The following ZNF75A variants were observed in gnomAD, a reference collection of about 807,000 sequenced individuals.
ZNF75A encodes zinc finger protein 75A.
Under a neutral mutation model 46.3 loss-of-function variants are expected in ZNF75A, and 36 were observed. That is an observed-to-expected ratio of 0.78 (90% confidence interval 0.60 to 1.03). The LOEUF is 1.03. Among genes scored for constraint, ZNF75A ranks in the 50% least tolerant of loss-of-function variants. ZNF75A has a pLI of 0.00. For missense variants in ZNF75A, 595 were observed against 551.3 expected (o/e 1.08, Z -0.79); for synonymous variants, 234 against 189.9 (o/e 1.23, Z -1.91).
chr16:3,322,980 G>A (rs1425248071), downstream of ZNF75A: 22 of 974,206 alleles, frequency 2.3e-5, no homozygotes, highest in Non-Finnish European at 2.7e-5. Context: ...AGAAAATGCT[G>A]GAATTTTTCC....
chr16:3,313,633 C>T (rs188295976), intron 5 of ZNF75A, among the ~76,000 whole-genome samples: 1 of 152,180 alleles, frequency 6.6e-6, no homozygotes, highest in Non-Finnish European at 1.5e-5. Flanking sequence ...TCATCTTGAA[C>T]CAGGCATACA....
In ZNF75A at chr16:3,318,241, G is replaced by A. The variant is rs1232803193; in HGVS notation, c.*372G>A. On this transcript the variant is annotated 3_prime_UTR_variant, in exon 7 of 7. Transcript: ENST00000669516. ...TCATGAGGCCGAAATGAATTACAATGTAAAGTGTTCCAGGAACCAAATTGG... is the reference window on the plus strand; with the variant it reads ...TCATGAGGCCGAAATGAATTACAATATAAAGTGTTCCAGGAACCAAATTGG... 2.9e-5 allele frequency: 29 copies of A among 998,418 alleles called. No individual in the cohort carries two copies. The South Asian group carries it at 9.2e-4, about 32-fold the overall frequency. 61.8% of individuals were successfully genotyped at this position (998,418 alleles called of 1,614,324 possible).
At chr16:3,313,446 C>T (rs1960961215) in intron 5 of ZNF75A, among the ~76,000 whole-genome samples, 1 of 152,218 alleles carries the variant, frequency 6.6e-6, no homozygotes, top group South Asian at 2.1e-4. Context: ...CAGTAAGGGG[C>T]ACATTCATTA....
At chr16:3,305,734 T>C (rs1960148479) in intron 1 of ZNF75A, 91 bp downstream of exon 1, 1 of 152,194 alleles carries the variant, frequency 6.6e-6, no homozygotes, top group East Asian at 1.9e-4. Flanking sequence ...CCGTAGGCGG[T>C]GGCCGCGGCG....
At chr16:3,311,687 G>A (rs969581939) in intron 2 of ZNF75A, 66 bp from the exon 3 acceptor site, 158 of 905,052 alleles carry the variant, frequency 1.7e-4, no homozygotes, top group Middle Eastern at 5.6e-4. Context: ...TACACCTGTC[G>A]CTCTGCCTCC....
In ZNF75A at chr16:3,318,370, T is replaced by C. The variant is rs1961384144; in HGVS notation, c.*501T>C. ...TCTCTTGGATCCTGTTATCACAGTT[T>C]TTTACTGTGATGAAATCTTGTTAAC... On this transcript the variant is annotated 3_prime_UTR_variant, in exon 7 of 7. Transcript: ENST00000669516. The C allele has an allele frequency of 7.1e-6, 7 of 987,482 alleles. No individual in the cohort carries two copies. The highest frequency in any genetic ancestry group is 7.2e-6 in the Non-Finnish European group (6 of 831,396). The allele number at this position is 987,482 out of a possible 1,614,324, so 61.2% of individuals were successfully genotyped here. A position where few individuals can be genotyped will look rare whatever the true frequency, so the allele number is the denominator to read the frequency against.
In ZNF75A at chr16:3,317,183, C is replaced by G. The variant is rs530456525; in HGVS notation, c.935-7C>G. ...ATACAGATGTGTGATTATGTTTATTCCAACAGGGTTAAAGCTCAAAAACGA... is the reference window on the plus strand; with the variant it reads ...ATACAGATGTGTGATTATGTTTATTGCAACAGGGTTAAAGCTCAAAAACGA... On this transcript the variant is annotated splice_region_variant and splice_polypyrimidine_tract_variant and intron_variant, in intron 6 of 6. Coordinates refer to ENST00000669516, the MANE Select transcript of ZNF75A (RefSeq NM_001302109.2). 6.2e-7 allele frequency: 1 copy of G among 1,600,048 alleles called. No individual in the cohort carries two copies. Among genetic ancestry groups the G allele is most frequent in the East Asian group, 2.2e-5 (1 of 44,740 alleles).
rs1960722581 is a variant in ZNF75A, at chr16:3,310,893, C to G, written c.409-860C>G. ...GGCGACACATCTGCTGACCTCGGGT[C>G]TGCTGGGAAGAATACAGGGCAGGAC... is the stretch of plus-strand genomic sequence containing the variant. On this transcript the variant is annotated intron_variant, in intron 2 of 6. Coordinates refer to ENST00000669516, the MANE Select transcript of ZNF75A (RefSeq NM_001302109.2). 5 of 985,254 alleles carry G rather than the reference C, an allele frequency of 5.1e-6. No homozygotes were observed. The South Asian group carries it at 2.3e-4, about 46-fold the overall frequency. The allele number at this position is 985,254 out of a possible 1,614,324, so 61.0% of individuals were successfully genotyped here. A position where few individuals can be genotyped will look rare whatever the true frequency, so the allele number is the denominator to read the frequency against.
Position 3,312,685 on chromosome 16 carries a change from A to G in ZNF75A, c.613A>G (p.Thr205Ala). The G allele has an allele frequency of 4.9e-6, 5 of 1,011,824 alleles. No individual in the cohort carries two copies. Among genetic ancestry groups the G allele is most frequent in the Non-Finnish European group, 5.9e-6 (5 of 845,332 alleles). The allele number at this position is 1,011,824 out of a possible 1,614,324, so 62.7% of individuals were successfully genotyped here. The change falls in exon 4 of 7, where the codon ACT (threonine) becomes GCT (alanine). Residue 205 changes from threonine (T) to alanine (A), a missense_variant. By Grantham distance (58) the Thr-to-Ala change is moderately conservative (BLOSUM62 0). Coordinates refer to ENST00000669516, the MANE Select transcript of ZNF75A (RefSeq NM_001302109.2). ...TEPVYERAVP[T>A]QQILAFPEQT... ...CTCTTTTCCCCCCACAGCTGTGCCTACTCAACAGATTCTAGCTTTTCCTGA... is the reference window on the plus strand; with the variant it reads ...CTCTTTTCCCCCCACAGCTGTGCCTGCTCAACAGATTCTAGCTTTTCCTGA...
At chr16:3,317,144 T>A (rs1198226640) in intron 6 of ZNF75A, 46 bp from the exon 7 acceptor site, 1 of 1,558,810 alleles carries the variant, frequency 6.4e-7, no homozygotes, top group African/African-American at 1.4e-5. Flanking sequence ...TTCCTGTGAT[T>A]TGCTTGTTCT....
intron 1 of ZNF75A, chr16:3,306,982 C>T (rs1596385731): frequency 6.7e-6 from 1 of 148,442 alleles, no homozygotes. Flanking sequence ...GATGGAATCT[C>T]GTTTTGCTGC....
intron 1 of ZNF75A, chr16:3,307,406 C>T (rs549818677): frequency 3.3e-5 from 5 of 152,312 alleles, no homozygotes; most frequent in South Asian, 2.1e-4. Flanking sequence ...TGTACTGGAA[C>T]TTACCCCCCT....
At chr16:3,322,984 T>A, downstream of ZNF75A, 1 of 970,052 alleles carries the variant, frequency 1.0e-6, no homozygotes, top group South Asian at 4.8e-5. Flanking sequence ...AATGCTGGAA[T>A]TTTTCCTTGG....
intron 5 of ZNF75A, chr16:3,314,679 A>G: frequency 2.0e-6 from 2 of 985,316 alleles, no homozygotes; most frequent in Non-Finnish European, 2.4e-6. Flanking sequence ...CCTACCATGC[A>G]GTTCATACGC....
chr16:3,312,480 CATTT>C (rs1960883475), intron 3 of ZNF75A, 193 bp from the exon 4 acceptor site: 1 of 152,536 alleles, frequency 6.6e-6, no homozygotes, highest in Non-Finnish European at 1.5e-5. Context: ...ACTGAGGAAA[CATTT>C]AGTTGGGGAA....
chr16:3,310,782 T>C, intron 2 of ZNF75A: 1 of 985,438 alleles, frequency 1.0e-6, no homozygotes, highest in Non-Finnish European at 1.2e-6. Flanking sequence ...CTCCCTATAG[T>C]AGATGAAAGT....
chr16:3,307,763 C>G (rs1960402473), intron 1 of ZNF75A: 1 of 150,968 alleles, frequency 6.6e-6, no homozygotes, highest in Admixed American at 6.6e-5. Flanking sequence ...ACTCCTGGCT[C>G]AAGTGATCCT....
rs1960838978 is a variant in ZNF75A, at chr16:3,311,961, A to G, written c.604+13A>G. 1 of 984,892 alleles carries G rather than the reference A, an allele frequency of 1.0e-6. No homozygotes were observed. Among genetic ancestry groups the G allele is most frequent in the Non-Finnish European group, 1.2e-6 (1 of 829,058 alleles). 61.0% of individuals were successfully genotyped at this position (984,892 alleles called of 1,614,324 possible). ...GTGTATGAGAGGGGTAAGGAGCTTC[A>G]TGATAATTTTCTTCTCCTGGGAGCT... is the stretch of plus-strand genomic sequence containing the variant. On this transcript the variant is annotated intron_variant, in intron 3 of 6. Coordinates refer to ENST00000669516, the MANE Select transcript of ZNF75A (RefSeq NM_001302109.2).
intron 4 of ZNF75A, 133 bp from the exon 5 acceptor site, chr16:3,312,916 T>C: frequency 7.6e-7 from 1 of 1,311,258 alleles, no homozygotes; most frequent in Non-Finnish European, 1.0e-6. Flanking sequence ...CCTTTTCTCC[T>C]TTTTTTCTGC....
Sources: allele counts gnomAD v4.1 joint callset (sites outside exome capture counted in the v4.1 genomes callset), GRCh38; gene constraint gnomAD v4.1.1; transcripts MANE v1.5; gene names NCBI Gene and HGNC (gene_info 2026-07-23, HGNC 2026-07-21).